The following HPSE variants were observed in gnomAD, a reference collection of about 807,000 sequenced individuals.
HPSE encodes endo-glucoronidase.
A neutral mutation model predicts 65.1 loss-of-function variants in HPSE; 48 were observed. The ratio of observed to expected loss-of-function variants is 0.74; its 90% CI spans 0.58 to 0.94. HPSE has a LOEUF of 0.94. Ranked by LOEUF, HPSE falls within the 40% of genes least tolerant of loss-of-function variation. The pLI, the probability that HPSE is intolerant of heterozygous loss-of-function variation, is 0.00. For missense variants in HPSE, 644 were observed against 637.5 expected (o/e 1.01, Z -0.11); for synonymous variants, 243 against 260.0 (o/e 0.93, Z 0.63).
chr4:83,318,710 CAAAA>C (rs11392395), intron 3 of HPSE, among the ~76,000 whole-genome samples: 3 of 89,794 alleles, frequency 3.3e-5, no homozygotes, highest in Admixed American at 1.3e-4. Flanking sequence ...GATTCCATCT[CAAAA>C]AAAAAAAAAA....
chr4:83,325,998 G>T (rs960332712), intron 1 of HPSE, among the ~76,000 whole-genome samples: 16 of 152,088 alleles, frequency 1.1e-4, no homozygotes, highest in African/African-American at 3.4e-4. Flanking sequence ...CATCACGGAG[G>T]GCCCCGTAAG....
At chr4:83,305,188 G>C (rs1167350193) in intron 9 of HPSE, among the ~76,000 whole-genome samples, 1 of 152,186 alleles carries the variant, frequency 6.6e-6, no homozygotes, top group African/African-American at 2.4e-5. Flanking sequence ...GTAAGGCAAA[G>C]GTTTATGTCT....
At chr4:83,309,115 T>C (rs1327264006) in intron 7 of HPSE, among the ~76,000 whole-genome samples, 164 bp from the exon 8 acceptor site, 1 of 152,258 alleles carries the variant, frequency 6.6e-6, no homozygotes, top group African/African-American at 2.4e-5. Context: ...GGAAACTTTC[T>C]TTTATTGAAA....
At chr4:83,298,025 GA>G (rs1010842727) in intron 11 of HPSE, among the ~76,000 whole-genome samples, 1 of 152,178 alleles carries the variant, frequency 6.6e-6, no homozygotes, top group African/African-American at 2.4e-5. Context: ...ACATGGGCAA[GA>G]TATTATACCA....
At chr4:83,329,824 G>A (rs1388254909) in intron 1 of HPSE, among the ~76,000 whole-genome samples, 3 of 152,102 alleles carry the variant, frequency 2.0e-5, no homozygotes, top group African/African-American at 7.2e-5. Flanking sequence ...AAGTGGAGAG[G>A]AAACTGTGAG....
At chr4:83,329,890 C>T (rs770383823) in intron 1 of HPSE, among the ~76,000 whole-genome samples, 6 of 151,970 alleles carry the variant, frequency 3.9e-5, no homozygotes, top group Middle Eastern at 3.4e-3. Flanking sequence ...GACAGAGTGC[C>T]GTAAGCAGGA....
Position 83,334,582 on chromosome 4 carries a change from C to A in HPSE, c.201G>T (p.Thr67=), listed in dbSNP as rs1040136190. The A allele has an allele frequency of 1.3e-6, 2 of 1,589,040 alleles. No homozygotes were observed. Among genetic ancestry groups the A allele is most frequent in the African/African-American group, 2.7e-5 (2 of 74,484 alleles). ...CCAGGAGGATGAGGAACCGCGGGTC[C>A]GTGGCCAGGTTGGCGTCAATGGTGA... ...LSVTIDANLA[T]DPRFLILLGS... The change falls in exon 1 of 12, where the codon ACG becomes ACT. Residue 67 remains threonine (T), a synonymous_variant. Transcript: ENST00000311412.
At chr4:83,322,789 TTGTGTGTG>T (rs386400677) in intron 1 of HPSE, among the ~76,000 whole-genome samples, 80 of 104,056 alleles carry the variant, frequency 7.7e-4, no homozygotes, top group African/African-American at 2.4e-3. Context: ...AAGAGCTTGT[TTGTGTGTG>T]TGTGTGTGTG....
intron 2 of HPSE, 109 bp from the exon 3 acceptor site, chr4:83,319,578 T>C: frequency 8.6e-7 from 1 of 1,164,638 alleles, no homozygotes; most frequent in Non-Finnish European, 1.2e-6. Context: ...GATAATTAAG[T>C]TCTGGTTATG....
At position 83,301,347 on chromosome 4, in the gene HPSE, G is replaced by A. The variant is rs112943581; in HGVS notation, c.1326-241C>T. Among the ~76,000 whole-genome samples the A allele has an allele frequency of 1.4e-3, 217 of 152,178 alleles. 1 individual carries two copies. The highest frequency in any genetic ancestry group is 3.5e-3 in the African/African-American group (144 of 41,516). On this transcript the variant is annotated intron_variant, in intron 10 of 11. Coordinates refer to ENST00000311412, the MANE Select transcript of HPSE (RefSeq NM_001098540.3). ...AAATGTTGCCGTTCATGCTACCAATGTCTGGGCTAGAGCACACTGAGATCC... is the reference window on the plus strand; with the variant it reads ...AAATGTTGCCGTTCATGCTACCAATATCTGGGCTAGAGCACACTGAGATCC...
chr4:83,332,903 A>G (rs1737443282), intron 1 of HPSE, among the ~76,000 whole-genome samples: 2 of 151,402 alleles, frequency 1.3e-5, no homozygotes, highest in Non-Finnish European at 2.9e-5. Flanking sequence ...TCTACTTCAT[A>G]CCCATGTTCA....
chr4:83,334,926 C>CCATCCCTCCCACTCCTCTTCTG (rs1737560449), upstream of HPSE: 1 of 1,301,838 alleles, frequency 7.7e-7, no homozygotes, highest in Admixed American at 2.9e-5. Flanking sequence ...ACTGCGCCCT[C>CCATCCCTCCCACTCCTCTTCTG]CATCCCTCCC....
At chr4:83,308,735 C>A (rs1265498081) in intron 8 of HPSE, 110 bp downstream of exon 8, 11 of 778,218 alleles carry the variant, frequency 1.4e-5, no homozygotes, top group Non-Finnish European at 2.4e-5. Flanking sequence ...TGGGGCTCAG[C>A]CACTGAAATG....
intron 9 of HPSE, among the ~76,000 whole-genome samples, chr4:83,305,364 A>T (rs1287294843): frequency 6.6e-6 from 1 of 152,226 alleles, no homozygotes; most frequent in East Asian, 1.9e-4. Context: ...TTCTAAAAAA[A>T]GATGACTAAT....
At position 83,302,206 on chromosome 4, in the gene HPSE, C is replaced by A; in HGVS notation, c.1269G>T (p.Val423=). Residue 423 remains valine (V), a synonymous_variant, in exon 10 of 12, where the codon GTG becomes GTT. Coordinates refer to ENST00000311412, the MANE Select transcript of HPSE (RefSeq NM_001098540.3). ...GAAGCTTCCTTCTCTTTGAACCTTG[C>A]ACGCTTGCCATTAACACCTTGGTGC... ...LVGTKVLMAS[V]QGSKRRKLRV... 2.5e-6 allele frequency: 4 copies of A among 1,614,008 alleles called. No homozygotes were observed. The highest frequency in any genetic ancestry group is 3.4e-6 in the Non-Finnish European group (4 of 1,179,944).
At chr4:83,298,276 C>T (rs1045958136) in intron 11 of HPSE, among the ~76,000 whole-genome samples, 23 of 152,068 alleles carry the variant, frequency 1.5e-4, no homozygotes, top group African/African-American at 5.3e-4. Flanking sequence ...GCAACAGATT[C>T]GGCGGAAATG....
intron 1 of HPSE, among the ~76,000 whole-genome samples, chr4:83,324,113 C>CTTTTTTTTTTTTTTTTTTTTTTTTTTTTT (rs398051210): frequency 1.3e-5 from 1 of 74,742 alleles, no homozygotes; most frequent in African/African-American, 5.2e-5. Context: ...TCTTCTTCTT[C>CTTTTTTTTTTTTTTTTTTTTTTTTTTTTT]TTTTTTTTTT....
chr4:83,328,725 C>T (rs1158226187), intron 1 of HPSE, among the ~76,000 whole-genome samples: 12 of 151,332 alleles, frequency 7.9e-5, no homozygotes, highest in African/African-American at 2.7e-4. Flanking sequence ...GAGGCATGTG[C>T]GAGGAGGTAA....
chr4:83,309,353 T>C, intron 7 of HPSE, 49 bp downstream of exon 7: 1 of 988,052 alleles, frequency 1.0e-6, no homozygotes. Flanking sequence ...AGCTAGACTA[T>C]AAAATAAGGA....
Sources: allele counts gnomAD v4.1 joint callset (sites outside exome capture counted in the v4.1 genomes callset), GRCh38; gene constraint gnomAD v4.1.1; transcripts MANE v1.5; gene names NCBI Gene and HGNC (gene_info 2026-07-23, HGNC 2026-07-21).